The following C1GALT1 variants were observed in gnomAD, a reference collection of about 807,000 sequenced individuals.
The protein encoded by C1GALT1 is glycoprotein-N-acetylgalactosamine 3-beta-galactosyltransferase 1.
Under a neutral mutation model 31.0 loss-of-function variants are expected in C1GALT1, and 11 were observed. The observed-to-expected ratio is 0.36, with a 90% confidence interval of 0.22 to 0.59. The LOEUF (loss-of-function observed/expected upper bound fraction) is 0.59, where lower values mean the gene tolerates loss of function less well. Ranked by LOEUF, C1GALT1 falls within the 20% of genes least tolerant of loss-of-function variation. C1GALT1 has a pLI of 0.79. For missense variants in C1GALT1, 424 were observed against 425.2 expected, an observed-to-expected ratio of 1.00 and a Z score of 0.03; for synonymous variants, 175 against 143.6, an observed-to-expected ratio of 1.22 and a Z score of -1.56.
At chr7:7,200,083 A>T (rs1412270722) in intron 1 of C1GALT1, among the ~76,000 whole-genome samples, 1 of 152,178 alleles carries the variant, frequency 6.6e-6, no homozygotes, top group East Asian at 1.9e-4. Flanking sequence ...TCCTGTCATT[A>T]TGATGTTAGC....
chr7:7,196,226 A>G (rs1583759821), intron 1 of C1GALT1, among the ~76,000 whole-genome samples: 1 of 56,860 alleles, frequency 1.8e-5, no homozygotes, highest in South Asian at 5.8e-4. Flanking sequence ...CCCCAACCCC[A>G]TGACAGGCCC....
Position 7,238,916 on chromosome 7 carries a change from T to G in C1GALT1, c.882T>G (p.Pro294=). The change falls in exon 3 of 4, where the codon CCT becomes CCG. Residue 294 remains proline (P), a synonymous_variant. Coordinates refer to ENST00000436587, the MANE Select transcript of C1GALT1 (RefSeq NM_020156.5). This position sits in a 1 kb window ranked among gnomAD's most constrained non-coding sequence, Gnocchi z 5.2. ...ACTGGAATTACAACTATTATCCTCC[T>G]GTAGAGGTAAGTTTAGAAATTTTAT... ...FWYWNYNYYP[P]VEGPGCCSDL... 1 of 1,601,034 alleles carries G rather than the reference T, an allele frequency of 6.2e-7. No homozygotes were observed.
intron 1 of C1GALT1, among the ~76,000 whole-genome samples, chr7:7,199,605 C>A (rs1012490487): frequency 1.3e-5 from 2 of 152,126 alleles, no homozygotes; most frequent in African/African-American, 2.4e-5. Flanking sequence ...TTACAACTTT[C>A]TGTCTCGTTG....
chr7:7,238,141 A>G lies in C1GALT1; in HGVS notation c.221-114A>G. The G allele has an allele frequency of 9.7e-7, 1 of 1,026,740 alleles. No homozygotes were observed. The highest frequency in any genetic ancestry group is 1.4e-6 in the Non-Finnish European group (1 of 717,864). 63.6% of individuals were successfully genotyped at this position (1,026,740 alleles called of 1,614,324 possible). A position where few individuals can be genotyped will look rare whatever the true frequency, so the allele number is the denominator to read the frequency against. On this transcript the variant is annotated intron_variant, in intron 2 of 3. Transcript: ENST00000436587. This position sits in a 1 kb window ranked among gnomAD's most constrained non-coding sequence, Gnocchi z 5.2. The stretch of plus-strand genomic sequence containing the variant: ...TTGCTTTCCTTTGGCTAAATCACTA[A>G]TAGAGGGATAAATAGGGACTTTGAA...
At chr7:7,189,656 A>G (rs1583749259) in intron 1 of C1GALT1, among the ~76,000 whole-genome samples, 1 of 152,076 alleles carries the variant, frequency 6.6e-6, no homozygotes, top group Admixed American at 6.6e-5. Flanking sequence ...TCATAAAGAA[A>G]TATGCCCTTT....
chr7:7,179,344 C>G (rs1169237127), upstream of C1GALT1, among the ~76,000 whole-genome samples: 1 of 152,052 alleles, frequency 6.6e-6, no homozygotes, highest in Non-Finnish European at 1.5e-5. Context: ...GAAGAAGTAT[C>G]AAATAATTTG....
chr7:7,232,839 T>C (rs1253492620), intron 1 of C1GALT1, among the ~76,000 whole-genome samples: 1 of 152,208 alleles, frequency 6.6e-6, no homozygotes, highest in Non-Finnish European at 1.5e-5. Context: ...TGTGGCTCCT[T>C]CTGATTGTGT....
At chr7:7,200,407 T>G (rs761420081) in intron 1 of C1GALT1, among the ~76,000 whole-genome samples, 1 of 152,240 alleles carries the variant, frequency 6.6e-6, no homozygotes, top group Non-Finnish European at 1.5e-5. Flanking sequence ...TGCAGAGAGA[T>G]CTGCTGTTAG....
chr7:7,219,826 G>C (rs1009415169), intron 1 of C1GALT1, among the ~76,000 whole-genome samples: 3 of 151,960 alleles, frequency 2.0e-5, no homozygotes, highest in Non-Finnish European at 4.4e-5. Flanking sequence ...AAAATTTTGT[G>C]TGGAATTGTA....
At chr7:7,204,260 T>C (rs1427645326) in intron 1 of C1GALT1, among the ~76,000 whole-genome samples, 2 of 152,082 alleles carry the variant, frequency 1.3e-5, no homozygotes, top group Non-Finnish European at 2.9e-5. Flanking sequence ...TCCATACTGA[T>C]ATAGGATTTT....
chr7:7,188,343 G>T (rs1392363058), intron 1 of C1GALT1, among the ~76,000 whole-genome samples: 1 of 152,180 alleles, frequency 6.6e-6, no homozygotes, highest in Non-Finnish European at 1.5e-5. Context: ...TGGAGGTGTT[G>T]AATTAGAGAT....
chr7:7,215,027 G>A (rs573482132), intron 1 of C1GALT1, among the ~76,000 whole-genome samples: 1 of 152,302 alleles, frequency 6.6e-6, no homozygotes, highest in African/African-American at 2.4e-5. Context: ...ATCTGATTTT[G>A]TGGCCCTCAC....
intron 1 of C1GALT1, among the ~76,000 whole-genome samples, chr7:7,204,620 T>C (rs1436464619): frequency 6.6e-6 from 1 of 152,124 alleles, no homozygotes; most frequent in Non-Finnish European, 1.5e-5. Context: ...TTGTTCTTTT[T>C]CTGGTTTTTA....
chr7:7,220,112 A>G (rs1292440666), intron 1 of C1GALT1, among the ~76,000 whole-genome samples: 1 of 152,108 alleles, frequency 6.6e-6, no homozygotes, highest in Non-Finnish European at 1.5e-5. Flanking sequence ...GCTGAGTAAA[A>G]AGAGGGGAAT....
chr7:7,238,176 G>A lies in C1GALT1; in HGVS notation c.221-79G>A, dbSNP rs3807862. 0.64 allele frequency: 848,656 copies of A among 1,322,434 alleles called. 276,508 individuals are homozygous for A. Among genetic ancestry groups the A allele is most frequent in the East Asian group, 0.94 (37,685 of 39,944 alleles). The allele number at this position is 1,322,434 out of a possible 1,614,324, so 81.9% of individuals were successfully genotyped here. On this transcript the variant is annotated intron_variant, in intron 2 of 3. Transcript: ENST00000436587. This position sits in a 1 kb window ranked among gnomAD's most constrained non-coding sequence, Gnocchi z 5.2. The stretch of plus-strand genomic sequence containing the variant: ...AAATAGGGACTTTGAAATTAGGACA[G>A]TGCTTTCTTCAGTATAATTTATTAA...
intron 1 of C1GALT1, among the ~76,000 whole-genome samples, chr7:7,188,609 T>A (rs1437328610): frequency 6.6e-6 from 1 of 152,160 alleles, no homozygotes; most frequent in East Asian, 1.9e-4. Context: ...AATTTGTCCT[T>A]CCTTGCTCAT....
intron 1 of C1GALT1, among the ~76,000 whole-genome samples, chr7:7,219,200 C>T (rs748900755): frequency 1.1e-4 from 16 of 152,146 alleles, no homozygotes; most frequent in Non-Finnish European, 1.9e-4. Flanking sequence ...TTTAACATTA[C>T]TGTTTTGAAT....
intron 1 of C1GALT1, among the ~76,000 whole-genome samples, chr7:7,188,883 A>G (rs1176151812): frequency 6.6e-6 from 1 of 152,218 alleles, no homozygotes; most frequent in Admixed American, 6.5e-5. Context: ...TGTAAATTAA[A>G]AGCTGAACAT....
intron 1 of C1GALT1, among the ~76,000 whole-genome samples, chr7:7,229,069 A>G (rs1441488259): frequency 6.6e-6 from 1 of 151,162 alleles, no homozygotes; most frequent in African/African-American, 2.4e-5. Flanking sequence ...AGAAATAGGA[A>G]TTTTCTCTGG....
Sources: allele counts gnomAD v4.1 joint callset (sites outside exome capture counted in the v4.1 genomes callset), GRCh38; gene constraint gnomAD v4.1.1; non-coding constraint Gnocchi (gnomAD v3.1); transcripts MANE v1.5; gene names NCBI Gene and HGNC (gene_info 2026-07-23, HGNC 2026-07-21).